BNC2: variants seen among roughly 807,000 people sequenced by gnomAD.
BNC2 encodes basonuclin zinc finger protein 2.
Under a neutral mutation model 76.3 loss-of-function variants are expected in BNC2, and 20 were observed. The ratio of observed to expected loss-of-function variants is 0.26; its 90% CI spans 0.18 to 0.38. BNC2 has a LOEUF of 0.38. Ranked by LOEUF, BNC2 falls within the 10% of genes least tolerant of loss-of-function variation. BNC2 has a pLI of 1.00. For missense variants in BNC2, 1,382 were observed against 1,399.8 expected, an observed-to-expected ratio of 0.99 and a Z score of 0.20; for synonymous variants, 582 against 514.8, an observed-to-expected ratio of 1.13 and a Z score of -1.77.
At chr9:16,561,069 T>A (rs539063415) in intron 4 of BNC2, among the ~76,000 whole-genome samples, 242 of 151,820 alleles carry the variant, frequency 1.6e-3, no homozygotes, top group African/African-American at 5.6e-3. Context: ...TGAAACCACA[T>A]CTCTATTAAA....
intron 5 of BNC2, among the ~76,000 whole-genome samples, chr9:16,523,428 G>T (rs576463734): frequency 6.8e-6 from 1 of 147,390 alleles, no homozygotes; most frequent in East Asian, 2.0e-4. Context: ...CCGAGATAGC[G>T]CCACTGCACT....
At chr9:16,655,155 T>A (rs1821892993) in intron 3 of BNC2, among the ~76,000 whole-genome samples, 1 of 150,976 alleles carries the variant, frequency 6.6e-6, no homozygotes. Flanking sequence ...ATTACAGAAA[T>A]TCAAGTAAAG....
chr9:16,831,388 C>T (rs990833126), intron 1 of BNC2, among the ~76,000 whole-genome samples: 7 of 152,176 alleles, frequency 4.6e-5, no homozygotes, highest in Admixed American at 1.3e-4. Flanking sequence ...AAAGAGTTCA[C>T]GTATATTCAA....
At chr9:16,776,251 C>T (rs1305467598) in intron 1 of BNC2, among the ~76,000 whole-genome samples, 2 of 152,124 alleles carry the variant, frequency 1.3e-5, no homozygotes, top group Non-Finnish European at 2.9e-5. Context: ...AGCGATTCTC[C>T]TCTCTCAGTC....
At chr9:16,604,195 C>T (rs1160602952) in intron 3 of BNC2, among the ~76,000 whole-genome samples, 1 of 152,164 alleles carries the variant, frequency 6.6e-6, no homozygotes. Context: ...ACAAAGCAAA[C>T]ATCTGGGACC....
At chr9:16,655,396 C>A (rs149385857) in intron 3 of BNC2, among the ~76,000 whole-genome samples, 1 of 152,154 alleles carries the variant, frequency 6.6e-6, no homozygotes, top group East Asian at 1.9e-4. Context: ...ACCTGCAGGC[C>A]GCATCTGCCG....
At chr9:16,766,610 T>C (rs766720710) in intron 1 of BNC2, among the ~76,000 whole-genome samples, 1 of 152,238 alleles carries the variant, frequency 6.6e-6, no homozygotes, top group Non-Finnish European at 1.5e-5. Context: ...TGCAAAATAA[T>C]TTCATGTGTT....
chr9:16,661,387 GT>G (rs1314789719), intron 3 of BNC2, among the ~76,000 whole-genome samples: 1 of 152,122 alleles, frequency 6.6e-6, no homozygotes, highest in Non-Finnish European at 1.5e-5. Context: ...TAAATCACAA[GT>G]TTACTTGGAG....
intron 5 of BNC2, among the ~76,000 whole-genome samples, chr9:16,455,209 T>C (rs1022760265): frequency 7.9e-5 from 12 of 152,112 alleles, no homozygotes; most frequent in African/African-American, 1.4e-4. Flanking sequence ...CAAAACAATA[T>C]GTAGTTGAGT....
At chr9:16,761,677 T>C (rs768947799) in intron 1 of BNC2, among the ~76,000 whole-genome samples, 2 of 152,242 alleles carry the variant, frequency 1.3e-5, no homozygotes, top group Admixed American at 6.5e-5. Context: ...AAATGATGGA[T>C]GTCTTTACCA....
intron 4 of BNC2, among the ~76,000 whole-genome samples, chr9:16,567,210 G>C (rs1021137573): frequency 6.6e-6 from 1 of 152,132 alleles, no homozygotes; most frequent in Non-Finnish European, 1.5e-5. Context: ...ATTTATGTGG[G>C]AACAGAATTG....
intron 3 of BNC2, among the ~76,000 whole-genome samples, chr9:16,694,551 C>T (rs1396736032): frequency 1.3e-5 from 2 of 152,120 alleles, no homozygotes; most frequent in Admixed American, 1.3e-4. Context: ...TACCAACAGA[C>T]CAGAGGAATT....
intron 5 of BNC2, among the ~76,000 whole-genome samples, chr9:16,480,584 G>C (rs902293958): frequency 6.6e-6 from 1 of 152,202 alleles, no homozygotes; most frequent in Non-Finnish European, 1.5e-5. Context: ...GCGTGGGCTT[G>C]GCGGGCCCCA....
chr9:16,576,481 G>C (rs575518474), intron 4 of BNC2, among the ~76,000 whole-genome samples: 101 of 152,312 alleles, frequency 6.6e-4, no homozygotes, highest in African/African-American at 2.3e-3. Context: ...TTGGACTCAA[G>C]TCAGGGAGAA....
At chr9:16,768,170 T>C (rs906521543) in intron 1 of BNC2, among the ~76,000 whole-genome samples, 3 of 151,926 alleles carry the variant, frequency 2.0e-5, no homozygotes, top group Admixed American at 2.0e-4. Flanking sequence ...TTCACAATGT[T>C]GGCTAGGCTG....
At chr9:16,511,419 A>AATTTTT (rs1822752716) in intron 5 of BNC2, among the ~76,000 whole-genome samples, 1 of 111,444 alleles carries the variant, frequency 9.0e-6, no homozygotes, top group African/African-American at 3.5e-5. Context: ...CAATAAATTT[A>AATTTTT]CTTTTTTTTT....
chr9:16,790,145 C>T (rs567108201), intron 1 of BNC2, among the ~76,000 whole-genome samples: 15 of 152,240 alleles, frequency 9.9e-5, no homozygotes, highest in South Asian at 4.1e-4. Flanking sequence ...TACAGGTGCC[C>T]GCCACCATGC....
At chr9:16,809,740 T>G (rs1169923379) in intron 1 of BNC2, among the ~76,000 whole-genome samples, 1 of 151,940 alleles carries the variant, frequency 6.6e-6, no homozygotes, top group Admixed American at 6.6e-5. Flanking sequence ...AGCACACCAC[T>G]GCACTCCAGC....
intron 5 of BNC2, among the ~76,000 whole-genome samples, chr9:16,506,661 G>A (rs1587110021): frequency 6.6e-6 from 1 of 151,540 alleles, no homozygotes; most frequent in African/African-American, 2.4e-5. Context: ...GAGTAGCTGG[G>A]ATTACAGTCA....
Sources: gnomAD v4.1 joint callset for allele counts (sites outside exome capture counted in the v4.1 genomes callset) on GRCh38, gnomAD v4.1.1 for gene constraint, MANE v1.5 for transcripts, NCBI Gene and HGNC (gene_info 2026-07-23, HGNC 2026-07-21) for gene names.